MYRIP: variants seen among roughly 807,000 people sequenced by gnomAD.
The protein encoded by MYRIP is myosin VIIA and Rab interacting protein.
In MYRIP, 49 loss-of-function variants were observed where a neutral mutation model predicts 98.0. The ratio of observed to expected loss-of-function variants is 0.50; its 90% CI spans 0.40 to 0.63. The LOEUF is 0.63. MYRIP is among the 30% of genes least tolerant of loss of function. The pLI, the probability that MYRIP is intolerant of heterozygous loss-of-function variation, is 0.00. For synonymous variants in MYRIP, 404 were observed against 409.5 expected, an observed-to-expected ratio of 0.99 and a Z score of 0.16; for missense variants, 1,004 against 1,058.2, an observed-to-expected ratio of 0.95 and a Z score of 0.71.
At chr3:39,815,421 G>A (rs1432229579) in intron 1 of MYRIP, among the ~76,000 whole-genome samples, 2 of 151,670 alleles carry the variant, frequency 1.3e-5, no homozygotes, top group African/African-American at 4.8e-5. Context: ...GTGTATGTAT[G>A]TATATATATA....
chr3:39,842,892 G>A lies in MYRIP; in HGVS notation c.-31+32976G>A, dbSNP rs563467389. 1.4e-3 allele frequency among the ~76,000 whole-genome samples: 208 copies of A among 152,346 alleles called. 5 individuals are homozygous for A. The South Asian group carries it at 0.042, about 31-fold the overall frequency. ...GTCTCTCTGGGAGCTGCAGACTGGA[G>A]CTGCTCCTATTTCGCTATCTTGCCA... On this transcript the variant is annotated intron_variant, in intron 1 of 16. Transcript: ENST00000302541.
chr3:40,029,202 G>A (rs945398314), intron 2 of MYRIP, among the ~76,000 whole-genome samples: 2 of 152,108 alleles, frequency 1.3e-5, no homozygotes, highest in African/African-American at 4.8e-5. Flanking sequence ...CACATCTTCT[G>A]CCTTTAATCT....
rs74987278 is a variant in MYRIP at position 39,889,790 on chromosome 3, T to G, written c.-30-10997T>G. ...TTTATTCAGTGTTTTTAATGACTTC[T>G]GAATTTTGTGTCATATTGAGAAAGG... On this transcript the variant is annotated intron_variant, in intron 1 of 16. Coordinates refer to ENST00000302541, the MANE Select transcript of MYRIP (RefSeq NM_015460.4). 5.4e-3 allele frequency among the ~76,000 whole-genome samples: 829 copies of G among 152,308 alleles called. 12 individuals are homozygous for G. The highest frequency in any genetic ancestry group is 0.018 in the African/African-American group (740 of 41,578).
At position 39,922,826 on chromosome 3, in the gene MYRIP, A is replaced by G. The variant is rs555006289; in HGVS notation, c.110+21900A>G. ...TTGCTCATCATACCAAGAACCTGGA[A>G]CATCTCAAACTGAATGAAAAAGACA... On this transcript the variant is annotated intron_variant, in intron 2 of 16. Transcript: ENST00000302541. Among the ~76,000 whole-genome samples, 3 of 152,336 alleles carry G rather than the reference A, an allele frequency of 2.0e-5. No individual in the cohort carries two copies. The South Asian group carries it at 6.2e-4, about 32-fold the overall frequency.
At chr3:40,240,140 C>T (rs1575670692) in intron 12 of MYRIP, among the ~76,000 whole-genome samples, 1 of 148,852 alleles carries the variant, frequency 6.7e-6, no homozygotes, top group East Asian at 2.0e-4. Context: ...AGCCAGTTTT[C>T]CCAGCACCAT....
intron 2 of MYRIP, among the ~76,000 whole-genome samples, chr3:39,982,158 A>T (rs1945911554): frequency 6.6e-6 from 1 of 152,214 alleles, no homozygotes; most frequent in Non-Finnish European, 1.5e-5. Context: ...CCTACTTATT[A>T]TCAAGATACA....
intron 11 of MYRIP, 132 bp from the exon 12 acceptor site, chr3:40,233,727 C>T: frequency 1.2e-6 from 1 of 824,610 alleles, no homozygotes; most frequent in Non-Finnish European, 1.9e-6. Flanking sequence ...CATTCTTCAG[C>T]ACATTGGTGT....
At chr3:39,853,581 T>C (rs1942202927) in intron 1 of MYRIP, among the ~76,000 whole-genome samples, 1 of 152,208 alleles carries the variant, frequency 6.6e-6, no homozygotes, top group African/African-American at 2.4e-5. Flanking sequence ...TTCATGTCCT[T>C]AGCCCACTTT....
Position 40,162,775 on chromosome 3 carries a change from C to A in MYRIP, c.515C>A (p.Ser172Tyr). ...ESNLENEGSI[S>Y]GSDSTFYRQS... Reference sequence around the variant, plus strand: ...AACCTGGAGAATGAAGGAAGCATTTCTGGCAGTGATTCAACATTTTATAGG... The same window carrying A: ...AACCTGGAGAATGAAGGAAGCATTTATGGCAGTGATTCAACATTTTATAGG... Residue 172 changes from serine to tyrosine, a missense_variant, in exon 5 of 17, where the codon TCT (serine) becomes TAT (tyrosine). Transcript: ENST00000302541. 6.2e-7 allele frequency: 1 copy of A among 1,614,060 alleles called. No individual in the cohort carries two copies. Among genetic ancestry groups the A allele is most frequent in the South Asian group, 1.1e-5 (1 of 91,062 alleles).
At position 40,041,226 on chromosome 3, in the gene MYRIP, A is replaced by G. The variant is rs1236977993; in HGVS notation, c.111-2824A>G. Among the ~76,000 whole-genome samples the G allele has an allele frequency of 3.9e-5, 5 of 127,222 alleles. No individual in the cohort carries two copies. In the East Asian group the frequency reaches 8.7e-4, roughly 22 times the overall value. 83.5% of individuals were successfully genotyped at this position (127,222 alleles called of 152,430 possible). On this transcript the variant is annotated intron_variant, in intron 2 of 16. Transcript: ENST00000302541. ...GTCAATCATGACAGTAATAACTGGGACAAGACTAATCAACTGATACTATAT... is the reference window on the plus strand; with the variant it reads ...GTCAATCATGACAGTAATAACTGGGGCAAGACTAATCAACTGATACTATAT...
intron 3 of MYRIP, among the ~76,000 whole-genome samples, chr3:40,101,768 T>C (rs1337102054): frequency 6.6e-6 from 1 of 152,238 alleles, no homozygotes; most frequent in Non-Finnish European, 1.5e-5. Context: ...TAATCATTTT[T>C]GAAGTTTTTT....
chr3:39,992,759 A>G (rs1292945998), intron 2 of MYRIP, among the ~76,000 whole-genome samples: 1 of 152,164 alleles, frequency 6.6e-6, no homozygotes, highest in Non-Finnish European at 1.5e-5. Flanking sequence ...CTTCTTGTTT[A>G]TGGTCCTTTT....
chr3:40,141,360 C>T (rs919279471), intron 3 of MYRIP, among the ~76,000 whole-genome samples: 9 of 152,028 alleles, frequency 5.9e-5, no homozygotes, highest in South Asian at 2.1e-4. Flanking sequence ...GCTCATTGTC[C>T]GATTAATAGT....
chr3:39,988,742 A>G (rs1302829737), intron 2 of MYRIP, among the ~76,000 whole-genome samples: 1 of 149,826 alleles, frequency 6.7e-6, no homozygotes, highest in East Asian at 2.0e-4. Flanking sequence ...TCTTGTCTGC[A>G]TGCCTTATTT....
intron 3 of MYRIP, among the ~76,000 whole-genome samples, chr3:40,063,411 C>T (rs1948060427): frequency 6.6e-6 from 1 of 152,074 alleles, no homozygotes; most frequent in African/African-American, 2.4e-5. Flanking sequence ...CTGACATATC[C>T]AGTAGTAAAG....
chr3:39,901,194 A>G (rs1003984703), intron 2 of MYRIP, among the ~76,000 whole-genome samples: 1 of 152,226 alleles, frequency 6.6e-6, no homozygotes, highest in Non-Finnish European at 1.5e-5. Context: ...TGTGGTGAAC[A>G]CGCTGCCTTG....
chr3:39,957,580 A>T lies in MYRIP; in HGVS notation c.110+56654A>T, dbSNP rs1390727289. On this transcript the variant is annotated intron_variant, in intron 2 of 16. Transcript: ENST00000302541. ...AACCCACAGCCAATATCATACTGAA[A>T]GGGCAAAAACTGGAAGCATTCCCTT... Among the ~76,000 whole-genome samples, 18 of 152,184 alleles carry T rather than the reference A, an allele frequency of 1.2e-4. No individual in the cohort carries two copies. In the South Asian group the frequency reaches 2.1e-3, roughly 18 times the overall value.
At chr3:40,130,522 C>T (rs974927137) in intron 3 of MYRIP, among the ~76,000 whole-genome samples, 8 of 151,720 alleles carry the variant, frequency 5.3e-5, no homozygotes, top group Non-Finnish European at 1.0e-4. Flanking sequence ...GGACTACAGG[C>T]GCCCACCATC....
intron 9 of MYRIP, 98 bp downstream of exon 9, chr3:40,182,471 T>C (rs1395940184): frequency 7.2e-7 from 1 of 1,397,926 alleles, no homozygotes; most frequent in Non-Finnish European, 9.7e-7. Context: ...CTTCTTCCCA[T>C]AAGTCTGAAC....
Sources: allele counts gnomAD v4.1 joint callset (sites outside exome capture counted in the v4.1 genomes callset), GRCh38; gene constraint gnomAD v4.1.1; transcripts MANE v1.5; gene names NCBI Gene and HGNC (gene_info 2026-07-23, HGNC 2026-07-21).